CNTNAP2: variants seen among roughly 807,000 people sequenced by gnomAD.
CNTNAP2 encodes contactin-associated protein-like 2.
A neutral mutation model predicts 155.2 loss-of-function variants in CNTNAP2; 98 were observed. The ratio of observed to expected loss-of-function variants is 0.63; its 90% CI spans 0.54 to 0.75. The LOEUF is 0.75. CNTNAP2 is among the 30% of genes least tolerant of loss of function. The pLI is 0.00. For missense variants in CNTNAP2, 1,727 were observed against 1,688.1 expected, an observed-to-expected ratio of 1.02 and a Z score of -0.40; for synonymous variants, 651 against 631.2, an observed-to-expected ratio of 1.03 and a Z score of -0.47.
intron 12 of CNTNAP2, among the ~76,000 whole-genome samples, chr7:147,566,061 G>C (rs1245024803): frequency 1.3e-5 from 2 of 149,088 alleles, no homozygotes; most frequent in African/African-American, 5.0e-5. Flanking sequence ...CAGGTGGATC[G>C]CTTGAGCCCA....
intron 12 of CNTNAP2, among the ~76,000 whole-genome samples, chr7:147,575,107 A>ATATGTATGTG (rs1554406899): frequency 3.2e-5 from 3 of 94,066 alleles, no homozygotes; most frequent in African/African-American, 7.8e-5. Flanking sequence ...TTTGTGGGAA[A>ATATGTATGTG]TGTGTGTGTG....
chr7:148,250,173 C>T (rs1796339057), intron 20 of CNTNAP2, among the ~76,000 whole-genome samples: 1 of 152,242 alleles, frequency 6.6e-6, no homozygotes, highest in Non-Finnish European at 1.5e-5. Context: ...TTCTGCAGGG[C>T]TAACCCCTCG....
At chr7:147,154,424 T>A (rs1359077768) in intron 8 of CNTNAP2, among the ~76,000 whole-genome samples, 1 of 152,210 alleles carries the variant, frequency 6.6e-6, no homozygotes. Flanking sequence ...CTTTTCTGAA[T>A]TGAGTACTGT....
chr7:146,249,294 T>G (rs1295728296), intron 1 of CNTNAP2, among the ~76,000 whole-genome samples: 1 of 152,214 alleles, frequency 6.6e-6, no homozygotes, highest in Non-Finnish European at 1.5e-5. Context: ...TTTAAAATAT[T>G]CTAGAAATCT....
intron 1 of CNTNAP2, among the ~76,000 whole-genome samples, chr7:146,655,225 C>A (rs1035116770): frequency 6.6e-6 from 1 of 151,608 alleles, no homozygotes; most frequent in South Asian, 2.1e-4. Context: ...CCAGCCCAAC[C>A]AACATGGCAA....
chr7:146,822,518 C>G (rs1335802719), intron 2 of CNTNAP2, among the ~76,000 whole-genome samples: 3 of 150,438 alleles, frequency 2.0e-5, no homozygotes, highest in African/African-American at 7.3e-5. Flanking sequence ...TTTGTCCCAC[C>G]TTCCCCTGTT....
chr7:148,299,631 G>A lies in CNTNAP2; in HGVS notation c.3475+32505G>A, dbSNP rs998410632. ...TTTGCTTCCCTCGGGCCTCAGCTCC[G>A]CCTCATTCCACTGGCCTAATAATTA... On this transcript the variant is annotated intron_variant, in intron 21 of 23. Coordinates refer to ENST00000361727, the MANE Select transcript of CNTNAP2 (RefSeq NM_014141.6). 1.1e-4 allele frequency among the ~76,000 whole-genome samples: 17 copies of A among 152,180 alleles called. No individual in the cohort carries two copies. In the East Asian group the frequency reaches 1.7e-3, roughly 15 times the overall value.
intron 15 of CNTNAP2, among the ~76,000 whole-genome samples, chr7:148,089,206 T>C (rs1013574938): frequency 2.6e-5 from 4 of 151,938 alleles, no homozygotes; most frequent in African/African-American, 7.2e-5. Flanking sequence ...TCATATTCAA[T>C]TGAGAAAAGT....
At chr7:147,466,763 C>A (rs755832029) in intron 10 of CNTNAP2, among the ~76,000 whole-genome samples, 6 of 152,002 alleles carry the variant, frequency 3.9e-5, no homozygotes, top group Non-Finnish European at 7.4e-5. Context: ...ACTAAAAATA[C>A]AAAAATTAGC....
rs200214541 is a variant in CNTNAP2, at chr7:147,903,706, C to T, written c.2240C>T (p.Ala747Val). Reference protein sequence around the residue: ...TDPKYYCNCDADYKQWRKDAG... With the variant: ...TDPKYYCNCDVDYKQWRKDAG... ...CCCAAGTACTACTGTAACTGCGACGCGGACTACAAGCAATGGTGAGTGCCT... is the reference window on the plus strand; with the variant it reads ...CCCAAGTACTACTGTAACTGCGACGTGGACTACAAGCAATGGTGAGTGCCT... Residue 747 changes from alanine (A) to valine (V), a missense_variant, in exon 14 of 24, where the codon GCG (alanine) becomes GTG (valine). By Grantham distance (64) the Ala-to-Val change is moderately conservative. Coordinates refer to ENST00000361727, the MANE Select transcript of CNTNAP2 (RefSeq NM_014141.6). 37 of 1,613,740 alleles carry T rather than the reference C, an allele frequency of 2.3e-5. No individual in the cohort carries two copies. In the East Asian group the frequency reaches 4.0e-4, roughly 18 times the overall value.
In CNTNAP2 at chr7:147,871,177, T is replaced by C. The variant is rs539955457; in HGVS notation, c.2099-32388T>C. Reference sequence around the variant, plus strand: ...AATGGGAAAATAATTTAAATATGATTTAGATATGTATTGAAAGAATTTACT... The same window carrying C: ...AATGGGAAAATAATTTAAATATGATCTAGATATGTATTGAAAGAATTTACT... On this transcript the variant is annotated intron_variant, in intron 13 of 23. Transcript: ENST00000361727. Among the ~76,000 whole-genome samples, 232 of 152,320 alleles carry C rather than the reference T, an allele frequency of 1.5e-3. 1 individual carries two copies. The highest frequency in any genetic ancestry group is 0.014 in the Middle Eastern group (4 of 294).
chr7:147,792,510 G>A (rs1797836067), intron 13 of CNTNAP2, among the ~76,000 whole-genome samples: 1 of 152,036 alleles, frequency 6.6e-6, no homozygotes, highest in Non-Finnish European at 1.5e-5. Context: ...GTGTGTGTGT[G>A]TGTGTATATA....
At chr7:146,534,761 A>G (rs1797821395) in intron 1 of CNTNAP2, among the ~76,000 whole-genome samples, 1 of 151,822 alleles carries the variant, frequency 6.6e-6, no homozygotes, top group South Asian at 2.1e-4. Flanking sequence ...GTTCCTACGA[A>G]GTCAATACCT....
chr7:147,517,571 A>G (rs1019578440), intron 11 of CNTNAP2, among the ~76,000 whole-genome samples: 2 of 152,236 alleles, frequency 1.3e-5, no homozygotes, highest in African/African-American at 4.8e-5. Context: ...TGGAGTAGCA[A>G]AATAAGTGTA....
chr7:146,634,443 C>T (rs573474961), intron 1 of CNTNAP2, among the ~76,000 whole-genome samples: 3 of 152,196 alleles, frequency 2.0e-5, no homozygotes, highest in South Asian at 2.1e-4. Context: ...CAAGGTACCA[C>T]GTAATTTATA....
At chr7:146,982,052 T>C (rs1798028223) in intron 3 of CNTNAP2, among the ~76,000 whole-genome samples, 1 of 152,222 alleles carries the variant, frequency 6.6e-6, no homozygotes, top group Admixed American at 6.5e-5. Context: ...CATACAATTT[T>C]CCTACATTAT....
intron 9 of CNTNAP2, among the ~76,000 whole-genome samples, chr7:147,358,765 C>T (rs1035479353): frequency 6.6e-6 from 1 of 152,046 alleles, no homozygotes; most frequent in Admixed American, 6.6e-5. Flanking sequence ...AATAATGTTG[C>T]CATTCCTCAA....
intron 1 of CNTNAP2, among the ~76,000 whole-genome samples, chr7:146,591,407 G>GTAGCT (rs1554452997): frequency 6.6e-6 from 1 of 151,678 alleles, no homozygotes; most frequent in Non-Finnish European, 1.5e-5. Flanking sequence ...TGGTAAATGT[G>GTAGCT]GAATAATAAT....
At chr7:147,527,325 G>C (rs960943451) in intron 11 of CNTNAP2, among the ~76,000 whole-genome samples, 2 of 151,944 alleles carry the variant, frequency 1.3e-5, no homozygotes, top group African/African-American at 4.8e-5. Context: ...GCCCGGCCAA[G>C]ACAGGTATTT....
Sources: allele counts gnomAD v4.1 joint callset (sites outside exome capture counted in the v4.1 genomes callset), GRCh38; gene constraint gnomAD v4.1.1; transcripts MANE v1.5; gene names NCBI Gene and HGNC (gene_info 2026-07-23, HGNC 2026-07-21).